The following KLHL8 variants were observed in gnomAD, a reference collection of about 807,000 sequenced individuals.
The protein encoded by KLHL8 is kelch-like protein 8.
KLHL8 carries 38 observed loss-of-function variants against 63.5 expected under a neutral mutation model. The ratio of observed to expected loss-of-function variants is 0.60; its 90% confidence interval spans 0.46 to 0.78. KLHL8 has a LOEUF of 0.78. Among genes scored for constraint, KLHL8 ranks in the 30% least tolerant of loss-of-function variants. The pLI, the probability that KLHL8 is intolerant of heterozygous loss-of-function variation, is 0.00. For synonymous variants in KLHL8, 224 were observed against 254.3 expected (o/e 0.88, Z 1.13); for missense variants, 566 against 752.4 (o/e 0.75, Z 2.90).
intron 1 of KLHL8, among the ~76,000 whole-genome samples, chr4:87,204,249 T>G (rs1732032262): frequency 1.3e-5 from 2 of 152,086 alleles, no homozygotes; most frequent in South Asian, 4.1e-4. Flanking sequence ...CCCACAACCA[T>G]AATGAAATAC....
At chr4:87,164,949 C>A (rs1012868757) in intron 8 of KLHL8, among the ~76,000 whole-genome samples, 6 of 151,838 alleles carry the variant, frequency 4.0e-5, no homozygotes, top group Admixed American at 6.6e-5. Flanking sequence ...GAGATCGAGA[C>A]CATCCTGGCT....
At chr4:87,210,618 T>C (rs116091814) in intron 1 of KLHL8, among the ~76,000 whole-genome samples, 1,942 of 152,318 alleles carry the variant, frequency 0.013, 43 homozygotes, top group African/African-American at 0.044. Context: ...AAGACGTGTG[T>C]GCATTTACCA....
At chr4:87,220,395 A>AG (rs1732787860) in intron 1 of KLHL8, 23 bp downstream of exon 1, 1 of 152,084 alleles carries the variant, frequency 6.6e-6, no homozygotes, top group African/African-American at 2.4e-5. Context: ...GAGGGGACTG[A>AG]GGGGAGACGA....
At chr4:87,201,218 T>C (rs1578389262) in intron 1 of KLHL8, among the ~76,000 whole-genome samples, 1 of 152,188 alleles carries the variant, frequency 6.6e-6, no homozygotes, top group South Asian at 2.1e-4. Flanking sequence ...TAGTTAACAC[T>C]AGTGTACTGT....
intron 2 of KLHL8, among the ~76,000 whole-genome samples, chr4:87,191,392 G>A (rs1731481556): frequency 6.6e-6 from 1 of 152,118 alleles, no homozygotes; most frequent in Non-Finnish European, 1.5e-5. Context: ...GGTCCAGGAG[G>A]TGGAGGTTGC....
chr4:87,230,021 G>A (rs1733107590), intron 1 of KLHL8, among the ~76,000 whole-genome samples: 1 of 152,028 alleles, frequency 6.6e-6, no homozygotes, highest in South Asian at 2.1e-4. Flanking sequence ...CACCCTCTCA[G>A]TCAGGTCACT....
chr4:87,183,223 G>A lies in KLHL8; in HGVS notation c.932C>T (p.Thr311Ile), dbSNP rs1159832629. The A allele has an allele frequency of 2.5e-6, 4 of 1,607,458 alleles. No individual in the cohort carries two copies. Among genetic ancestry groups the A allele is most frequent in the Non-Finnish European group, 2.6e-6 (3 of 1,176,070 alleles). The change falls in exon 4 of 10, where the codon ACC (threonine) becomes ATC (isoleucine). Residue 311 changes from threonine (T) to isoleucine (I), a missense_variant. By Grantham distance (89) the Thr-to-Ile change is moderately conservative (BLOSUM62 -1). Transcript: ENST00000273963. ...VPDFEYSIRT[T>I]PRKHTAGVLF... ...GTTACCAGCAGTATGCTTCCTTGGG[G>A]TAGTCCGAATGGAGTATTCAAAGTC...
In KLHL8 at chr4:87,195,436, T is replaced by C; in HGVS notation, c.104A>G (p.Asp35Gly). The C allele has an allele frequency of 6.2e-7, 1 of 1,613,782 alleles. No individual in the cohort carries two copies. Among genetic ancestry groups the C allele is most frequent in the East Asian group, 2.2e-5 (1 of 44,830 alleles). The change falls in exon 2 of 10, where the codon GAT becomes GGT. Residue 35 changes from aspartate to glycine, a missense_variant. By Grantham distance (94) the Asp-to-Gly change is moderately conservative. Coordinates refer to ENST00000273963, the MANE Select transcript of KLHL8 (RefSeq NM_020803.5). ...QQIKNRSSIS[D>G]GDGEDSFIFE... ...AATAAAGGAATCTTCTCCATCACCA[T>C]CACTAATTGAGGATCTGTTCTTTAT...
chr4:87,170,460 G>A lies in KLHL8; in HGVS notation c.1364C>T (p.Ser455Phe). 2 of 1,603,776 alleles carry A rather than the reference G, an allele frequency of 1.2e-6. No homozygotes were observed. ...PMNTPRGGVG[S>F]VALVNHVYAV... ...CATATAACTTACTACTAGAGCAACA[G>A]AGCCAACTCCTCCACGGGGAGTATT... The change falls in exon 7 of 10, where the codon TCT (serine) becomes TTT (phenylalanine). Residue 455 changes from serine to phenylalanine, a missense_variant. Ser to Phe is a radical substitution (Grantham distance 155). Transcript: ENST00000273963.
At chr4:87,188,481 C>T (rs1731349303) in intron 2 of KLHL8, among the ~76,000 whole-genome samples, 2 of 152,140 alleles carry the variant, frequency 1.3e-5, no homozygotes, top group Admixed American at 1.3e-4. Flanking sequence ...GATTCTGTCC[C>T]TTTACAATTC....
intron 1 of KLHL8, among the ~76,000 whole-genome samples, chr4:87,197,605 T>G (rs924663744): frequency 6.6e-6 from 1 of 152,196 alleles, no homozygotes; most frequent in African/African-American, 2.4e-5. Flanking sequence ...AACTGTGAGA[T>G]AATAAATGCA....
chr4:87,221,407 A>AAG, upstream of KLHL8: 1 of 151,710 alleles, frequency 6.6e-6, no homozygotes, highest in South Asian at 2.1e-4. Flanking sequence ...AAAAAAAAAA[A>AAG]AAAAAAAAAA....
intron 6 of KLHL8, among the ~76,000 whole-genome samples, chr4:87,173,360 C>T (rs1302368128): frequency 2.0e-5 from 3 of 152,072 alleles, no homozygotes; most frequent in Non-Finnish European, 4.4e-5. Context: ...CTGCTGGTAG[C>T]AAAAAACAAA....
At chr4:87,192,643 T>C (rs555603650) in intron 2 of KLHL8, among the ~76,000 whole-genome samples, 13 of 152,268 alleles carry the variant, frequency 8.5e-5, no homozygotes, top group South Asian at 8.3e-4. Context: ...TCATGTGTCA[T>C]TGAAGGATGG....
intron 1 of KLHL8, among the ~76,000 whole-genome samples, chr4:87,234,213 G>A (rs907927825): frequency 3.9e-5 from 6 of 152,184 alleles, no homozygotes; most frequent in Non-Finnish European, 8.8e-5. Flanking sequence ...GCCAAGGTGG[G>A]CGGATCACAA....
chr4:87,202,680 G>A (rs778801841), intron 1 of KLHL8, among the ~76,000 whole-genome samples: 7 of 152,040 alleles, frequency 4.6e-5, no homozygotes, highest in Non-Finnish European at 7.4e-5. Flanking sequence ...ATTAAATCAC[G>A]GTTTGAAAAG....
At chr4:87,240,455 G>A (rs1051478644), upstream of KLHL8, 2 of 152,132 alleles carry the variant, frequency 1.3e-5, no homozygotes, top group Non-Finnish European at 2.9e-5. Flanking sequence ...AGTAGCTTCA[G>A]TTGTTCCAGT....
At chr4:87,167,230 TA>T in intron 8 of KLHL8, 1 of 514,940 alleles carries the variant, frequency 1.9e-6, no homozygotes. Flanking sequence ...ATGTGTGACA[TA>T]AGAGATGTGA....
intron 2 of KLHL8, among the ~76,000 whole-genome samples, chr4:87,193,924 A>T (rs1290740449): frequency 6.6e-6 from 1 of 152,244 alleles, no homozygotes; most frequent in African/African-American, 2.4e-5. Context: ...CTGATTTACT[A>T]GCGGAATGGA....
Sources: allele counts gnomAD v4.1 joint callset (sites outside exome capture counted in the v4.1 genomes callset), GRCh38; gene constraint gnomAD v4.1.1; transcripts MANE v1.5; gene names NCBI Gene and HGNC (gene_info 2026-07-23, HGNC 2026-07-21).